Variants in DAP observed in about 807,000 individuals in gnomAD.
DAP encodes the protein death associated protein, also known as death-associated protein 1.
DAP carries 8 observed loss-of-function variants against 13.8 expected under a neutral mutation model. The ratio of observed to expected loss-of-function variants is 0.58; its 90% CI spans 0.34 to 1.05. The LOEUF is 1.05. Among genes scored for constraint, DAP ranks in the 50% least tolerant of loss-of-function variants. DAP has a pLI of 0.03. For synonymous variants in DAP, 47 were observed against 47.5 expected, an observed-to-expected ratio of 0.99 and a Z score of 0.04; for missense variants, 106 against 133.2, an observed-to-expected ratio of 0.80 and a Z score of 1.01.
At chr5:10,711,986 A>G (rs914598856) in intron 2 of DAP, among the ~76,000 whole-genome samples, 2 of 152,166 alleles carry the variant, frequency 1.3e-5, no homozygotes, top group Non-Finnish European at 2.9e-5. Flanking sequence ...TCCCAGCAAC[A>G]CATTCCTATG....
intron 1 of DAP, among the ~76,000 whole-genome samples, chr5:10,748,480 C>T (rs1739967903): frequency 6.6e-6 from 1 of 152,238 alleles, no homozygotes; most frequent in South Asian, 2.1e-4. Flanking sequence ...TACAGATCCA[C>T]TCAGAAACTT....
At chr5:10,739,618 A>G (rs563310246) in intron 2 of DAP, among the ~76,000 whole-genome samples, 208 of 152,320 alleles carry the variant, frequency 1.4e-3, no homozygotes, top group African/African-American at 4.8e-3. Context: ...CTGAAGTCCA[A>G]TGGCAGGGCA....
intron 1 of DAP, among the ~76,000 whole-genome samples, chr5:10,749,602 A>C (rs1739995963): frequency 6.6e-6 from 1 of 152,156 alleles, no homozygotes; most frequent in Non-Finnish European, 1.5e-5. Flanking sequence ...ATCTATTAAG[A>C]GTGGGAAATG....
intron 2 of DAP, among the ~76,000 whole-genome samples, chr5:10,708,063 C>A (rs1175695120): frequency 6.6e-6 from 1 of 152,024 alleles, no homozygotes; most frequent in Non-Finnish European, 1.5e-5. Context: ...GGCAGATATA[C>A]CAACAGGCAG....
Position 10,681,022 on chromosome 5 carries a change from C to T in DAP, c.*34G>A. On this transcript the variant is annotated 3_prime_UTR_variant, in exon 4 of 4. Transcript: ENST00000230895. ...CAGGGAAATACCAAGTGCAGCAGAG[C>T]CGGGGCCATGGGGCAGGCTGGTGGA... The T allele has an allele frequency of 6.4e-7, 1 of 1,564,676 alleles. No individual in the cohort carries two copies. Among genetic ancestry groups the T allele is most frequent in the Non-Finnish European group, 8.7e-7 (1 of 1,153,642 alleles).
At chr5:10,720,911 C>T (rs1013577267) in intron 2 of DAP, among the ~76,000 whole-genome samples, 8 of 152,210 alleles carry the variant, frequency 5.3e-5, no homozygotes, top group South Asian at 2.1e-4. Flanking sequence ...CGTGGACTCG[C>T]GGAATGCCTT....
At chr5:10,749,129 C>T (rs1739982242) in intron 1 of DAP, among the ~76,000 whole-genome samples, 1 of 152,228 alleles carries the variant, frequency 6.6e-6, no homozygotes, top group Non-Finnish European at 1.5e-5. Context: ...ATCCATGTTA[C>T]AGCACGTGTA....
At position 10,708,461 on chromosome 5, in the gene DAP, ACACG is replaced by A. The variant is rs1171349276; in HGVS notation, c.153-24894_153-24891del. Among the ~76,000 whole-genome samples the A allele has an allele frequency of 3.7e-3, 552 of 149,330 alleles. 3 individuals are homozygous for A. The highest frequency in any genetic ancestry group is 0.012 in the African/African-American group (475 of 40,154). On this transcript the variant is annotated intron_variant, in intron 2 of 3. Transcript: ENST00000230895. ...ATATCAGACACACACACACACACAC[ACACG>A]CACATATCTCCCTAAACAAACAATT... is the stretch of plus-strand genomic sequence containing the variant.
intron 2 of DAP, among the ~76,000 whole-genome samples, chr5:10,684,831 G>A (rs925261626): frequency 2.0e-5 from 3 of 152,120 alleles, no homozygotes; most frequent in African/African-American, 4.8e-5. Context: ...CCCAAGACCT[G>A]GAGGTGAATA....
intron 2 of DAP, among the ~76,000 whole-genome samples, chr5:10,726,450 C>T (rs369745500): frequency 2.0e-5 from 3 of 152,222 alleles, no homozygotes; most frequent in Non-Finnish European, 4.4e-5. Context: ...CCACCCCAGC[C>T]CTGCTGAGGC....
intron 1 of DAP, among the ~76,000 whole-genome samples, chr5:10,758,422 ATTTGAGGGATG>A (rs1740251090): frequency 2.2e-5 from 2 of 90,036 alleles, no homozygotes; most frequent in East Asian, 6.8e-4. Context: ...TGCTGTTGGC[ATTTGAGGGATG>A]CTGCTGGCAT....
intron 2 of DAP, among the ~76,000 whole-genome samples, chr5:10,690,764 G>A (rs1738287805): frequency 6.6e-6 from 1 of 152,168 alleles, no homozygotes; most frequent in South Asian, 2.1e-4. Context: ...ATATGTGCTC[G>A]AGTTTCTACT....
intron 2 of DAP, among the ~76,000 whole-genome samples, chr5:10,687,328 T>A (rs556707470): frequency 4.6e-5 from 7 of 152,344 alleles, no homozygotes; most frequent in Non-Finnish European, 1.0e-4. Flanking sequence ...AAGAAATAAG[T>A]AATTCCACTG....
chr5:10,716,600 TCC>T (rs1738996791), intron 2 of DAP, among the ~76,000 whole-genome samples: 1 of 152,116 alleles, frequency 6.6e-6, no homozygotes, highest in Non-Finnish European at 1.5e-5. Flanking sequence ...TAGCCTAGCC[TCC>T]CAGCCTACAT....
At chr5:10,753,970 G>C (rs1740111797) in intron 1 of DAP, among the ~76,000 whole-genome samples, 1 of 152,228 alleles carries the variant, frequency 6.6e-6, no homozygotes, top group Non-Finnish European at 1.5e-5. Flanking sequence ...TAAACCAAAG[G>C]ATCTCAGGTA....
intron 2 of DAP, among the ~76,000 whole-genome samples, chr5:10,698,694 C>A (rs921082449): frequency 1.3e-5 from 2 of 152,118 alleles, no homozygotes; most frequent in Non-Finnish European, 2.9e-5. Flanking sequence ...TATTCACACA[C>A]ATACTATACA....
At chr5:10,717,864 C>A (rs887983929) in intron 2 of DAP, among the ~76,000 whole-genome samples, 6 of 152,202 alleles carry the variant, frequency 3.9e-5, no homozygotes, top group African/African-American at 1.2e-4. Flanking sequence ...AGGAAGCTTA[C>A]TGCATTCCTA....
intron 2 of DAP, among the ~76,000 whole-genome samples, chr5:10,685,656 A>C (rs1286504611): frequency 6.6e-6 from 1 of 152,236 alleles, no homozygotes; most frequent in African/African-American, 2.4e-5. Context: ...TCAACAAGGC[A>C]CAGCCGTCTT....
chr5:10,707,588 T>G lies in DAP; in HGVS notation c.153-24017A>C, dbSNP rs1738729403. Among the ~76,000 whole-genome samples the G allele has an allele frequency of 6.6e-6, 1 of 151,576 alleles. No homozygotes were observed. The highest frequency in any genetic ancestry group is 2.1e-4 in the South Asian group (1 of 4,778). On this transcript the variant is annotated intron_variant, in intron 2 of 3. Transcript: ENST00000230895. This position sits in a 1 kb window ranked among gnomAD's most constrained non-coding sequence, Gnocchi z 4.0. Reference sequence around the variant, plus strand: ...CGATCAGTGTGGTGCACAGGCAGTGTGATGTGATTTGTGAGCAGTGTGGTG... The same window carrying G: ...CGATCAGTGTGGTGCACAGGCAGTGGGATGTGATTTGTGAGCAGTGTGGTG...
Sources: allele counts gnomAD v4.1 joint callset (sites outside exome capture counted in the v4.1 genomes callset), GRCh38; gene constraint gnomAD v4.1.1; non-coding constraint Gnocchi (gnomAD v3.1); transcripts MANE v1.5; gene names NCBI Gene and HGNC (gene_info 2026-07-23, HGNC 2026-07-21).